Variants in FAM135B observed in about 807,000 individuals in gnomAD.
FAM135B encodes the protein family with sequence similarity 135 member B, also known as protein FAM135B.
A neutral mutation model predicts 127.7 loss-of-function variants in FAM135B; 43 were observed. The observed-to-expected ratio is 0.34, with a 90% CI of 0.26 to 0.43. FAM135B has a LOEUF of 0.43. Ranked by LOEUF, FAM135B falls within the 20% of genes least tolerant of loss-of-function variation. The pLI, the probability that FAM135B is intolerant of heterozygous loss-of-function variation, is 1.00. For synonymous variants in FAM135B, 670 were observed against 665.1 expected, an observed-to-expected ratio of 1.01 and a Z score of -0.11; for missense variants, 1,558 against 1,725.6, an observed-to-expected ratio of 0.90 and a Z score of 1.72.
chr8:138,477,943 G>T (rs1305716746), intron 1 of FAM135B, among the ~76,000 whole-genome samples: 1 of 152,136 alleles, frequency 6.6e-6, no homozygotes, highest in Non-Finnish European at 1.5e-5. Context: ...ATACAGTAAA[G>T]ATGTCAGAGA....
At chr8:138,285,118 T>TA (rs1376592884) in intron 3 of FAM135B, among the ~76,000 whole-genome samples, 4 of 145,528 alleles carry the variant, frequency 2.7e-5, no homozygotes, top group Non-Finnish European at 6.0e-5. Context: ...CTGGAAAACA[T>TA]ATATTGGCTC....
intron 3 of FAM135B, among the ~76,000 whole-genome samples, chr8:138,272,338 C>G (rs750426111): frequency 7.9e-5 from 12 of 152,062 alleles, no homozygotes; most frequent in Non-Finnish European, 1.8e-4. Context: ...GGAAGTTACC[C>G]AATGTTTGTT....
In FAM135B at chr8:138,390,859, T is replaced by G. The variant is rs568467788; in HGVS notation, c.-19-22857A>C. Among the ~76,000 whole-genome samples the G allele has an allele frequency of 3.9e-4, 60 of 152,240 alleles. 1 individual carries two copies. The highest frequency in any genetic ancestry group is 1.3e-3 in the African/African-American group (56 of 41,540). ...TAGAAGCAGAGCTGAGCTCTGGGGA[T>G]AGCAAATTTGCAATTTGGAAACTCT... On this transcript the variant is annotated intron_variant, in intron 1 of 19. Transcript: ENST00000395297.
intron 12 of FAM135B, among the ~76,000 whole-genome samples, chr8:138,159,480 C>T (rs1179450158): frequency 1.3e-4 from 20 of 150,958 alleles, no homozygotes; most frequent in Non-Finnish European, 2.7e-4. Flanking sequence ...TGGAAACTAT[C>T]ATTCTGAGCA....
In FAM135B at chr8:138,175,346, T is replaced by C. The variant is rs1369148694; in HGVS notation, c.1103+2001A>G. Among the ~76,000 whole-genome samples the C allele has an allele frequency of 3.3e-5, 5 of 152,294 alleles. 1 individual carries two copies. The Middle Eastern group carries it at 0.01, about 311-fold the overall frequency. Reference sequence around the variant, plus strand: ...TGCTGATCTTTAAACACATTGTGTTTCCATATCAGAATCTTTATGACAACT... The same window carrying C: ...TGCTGATCTTTAAACACATTGTGTTCCCATATCAGAATCTTTATGACAACT... On this transcript the variant is annotated intron_variant, in intron 11 of 19. Coordinates refer to ENST00000395297, the MANE Select transcript of FAM135B (RefSeq NM_015912.4).
chr8:138,329,572 G>C (rs1828029820), intron 2 of FAM135B, among the ~76,000 whole-genome samples: 1 of 152,134 alleles, frequency 6.6e-6, no homozygotes, highest in African/African-American at 2.4e-5. Flanking sequence ...ATTACAATGG[G>C]GGAGTGTGTT....
chr8:138,452,838 T>A (rs1398337305), intron 1 of FAM135B, among the ~76,000 whole-genome samples: 4 of 152,112 alleles, frequency 2.6e-5, no homozygotes, highest in African/African-American at 9.7e-5. Flanking sequence ...TGGTGGCAGG[T>A]GCCCTAGTTT....
chr8:138,178,355 A>G (rs143978851), intron 10 of FAM135B, among the ~76,000 whole-genome samples, 180 bp downstream of exon 10: 4 of 152,214 alleles, frequency 2.6e-5, no homozygotes, highest in African/African-American at 9.6e-5. Flanking sequence ...TCTATGAATG[A>G]CACAGCAAAG....
intron 1 of FAM135B, among the ~76,000 whole-genome samples, chr8:138,406,012 C>G (rs897731152): frequency 2.7e-5 from 4 of 148,350 alleles, no homozygotes; most frequent in South Asian, 2.2e-4. Flanking sequence ...TAAATGTCTT[C>G]TTTTGAGAAG....
chr8:138,337,247 G>A, intron 2 of FAM135B, among the ~76,000 whole-genome samples: 1 of 151,384 alleles, frequency 6.6e-6, no homozygotes, highest in South Asian at 2.1e-4. Context: ...AGTGTTGGAA[G>A]TTCTGGCCAG....
chr8:138,217,426 A>AT (rs1374641818), intron 7 of FAM135B, among the ~76,000 whole-genome samples: 126 of 135,176 alleles, frequency 9.3e-4, no homozygotes, highest in African/African-American at 3.6e-3. Flanking sequence ...GTTCTCTGAT[A>AT]TATTTCTTTT....
intron 7 of FAM135B, among the ~76,000 whole-genome samples, chr8:138,233,775 G>A (rs551879661): frequency 3.9e-5 from 6 of 152,166 alleles, no homozygotes; most frequent in African/African-American, 1.2e-4. Context: ...TATCCAATAA[G>A]GGGTTAATAT....
rs1054820774 is a variant in FAM135B, at chr8:138,379,095, T to C, written c.-19-11093A>G. 7.2e-5 allele frequency among the ~76,000 whole-genome samples: 11 copies of C among 152,284 alleles called. No individual in the cohort carries two copies. In the East Asian group the frequency reaches 1.7e-3, roughly 24 times the overall value. On this transcript the variant is annotated intron_variant, in intron 1 of 19. Coordinates refer to ENST00000395297, the MANE Select transcript of FAM135B (RefSeq NM_015912.4). ...AGTGGCAATTTCTCTCTCTTTCCAC[T>C]TACTGAAACACATGCACACAAACAG...
intron 2 of FAM135B, among the ~76,000 whole-genome samples, chr8:138,357,915 T>C (rs371136350): frequency 9.2e-5 from 14 of 152,254 alleles, no homozygotes; most frequent in Admixed American, 6.5e-5. Flanking sequence ...GGAATAAACA[T>C]GGTGTCCGTT....
chr8:138,434,420 G>A (rs1563999399), intron 1 of FAM135B, among the ~76,000 whole-genome samples: 1 of 152,108 alleles, frequency 6.6e-6, no homozygotes, highest in African/African-American at 2.4e-5. Context: ...GTCAAGGTGG[G>A]TGTAAGTGTT....
At chr8:138,495,758 T>C (rs1202027036) in intron 1 of FAM135B, among the ~76,000 whole-genome samples, 1 of 152,190 alleles carries the variant, frequency 6.6e-6, no homozygotes, top group Non-Finnish European at 1.5e-5. Context: ...TAACAGTCCA[T>C]CACACTGTAT....
intron 2 of FAM135B, among the ~76,000 whole-genome samples, chr8:138,321,740 T>C (rs1376985905): frequency 6.6e-6 from 1 of 152,204 alleles, no homozygotes. Context: ...TGAGTGCTTT[T>C]AATAATAGGT....
chr8:138,132,906 T>C lies in FAM135B; in HGVS notation c.4016-108A>G. On this transcript the variant is annotated intron_variant, in intron 19 of 19. Transcript: ENST00000395297. The surrounding 1 kb of genome is among the most constrained non-coding windows in gnomAD (Gnocchi z 4.5). ...ATTCTGTTCCTGGGCAGACCTGTTA[T>C]ACAGCAGTTTCCAACCTCTTCCTAA... is the stretch of plus-strand genomic sequence containing the variant. 1 of 919,430 alleles carries C rather than the reference T, an allele frequency of 1.1e-6. No homozygotes were observed. The highest frequency in any genetic ancestry group is 2.0e-5 in the Admixed American group (1 of 51,104). The allele number at this position is 919,430 out of a possible 1,614,324, so 57.0% of individuals were successfully genotyped here.
chr8:138,376,717 G>C (rs967900653), intron 1 of FAM135B, among the ~76,000 whole-genome samples: 2 of 152,114 alleles, frequency 1.3e-5, no homozygotes, highest in Non-Finnish European at 2.9e-5. Flanking sequence ...CATTAGGGTG[G>C]CACTGAGGAT....
Sources: gnomAD v4.1 joint callset for allele counts (sites outside exome capture counted in the v4.1 genomes callset) on GRCh38, gnomAD v4.1.1 for gene constraint, Gnocchi (gnomAD v3.1) non-coding constraint, MANE v1.5 for transcripts, NCBI Gene and HGNC (gene_info 2026-07-23, HGNC 2026-07-21) for gene names.